FAM13C: variants seen among roughly 807,000 people sequenced by gnomAD.
The protein encoded by FAM13C is protein FAM13C.
A neutral mutation model predicts 73.2 loss-of-function variants in FAM13C; 37 were observed. That is an observed-to-expected ratio of 0.51 (90% CI 0.39 to 0.67). FAM13C has a LOEUF of 0.67. Among genes scored for constraint, FAM13C ranks in the 30% least tolerant of loss-of-function variants. FAM13C has a pLI of 0.00. For missense variants in FAM13C, 589 were observed against 715.6 expected (o/e 0.82, Z 2.02); for synonymous variants, 246 against 260.9 (o/e 0.94, Z 0.55).
Position 59,269,945 on chromosome 10 carries a change from C to T in FAM13C, c.757G>A (p.Asp253Asn). The part of the protein sequence containing the change: ...IFSQSQRFNL[D>N]PESAPSPPST... Reference sequence around the variant, plus strand: ...GGTGGAGATGGGGCTGACTCGGGGTCTAAGTTGAATCTCTGGCTTTGGCTG... The same window carrying T: ...GGTGGAGATGGGGCTGACTCGGGGTTTAAGTTGAATCTCTGGCTTTGGCTG... Residue 253 changes from aspartate (D) to asparagine (N), a missense_variant, in exon 7 of 14, where the codon GAC becomes AAC. Transcript: ENST00000618804. 9.3e-6 allele frequency: 15 copies of T among 1,613,942 alleles called. No homozygotes were observed. Among genetic ancestry groups the T allele is most frequent in the Non-Finnish European group, 1.2e-5 (14 of 1,179,914 alleles).
chr10:59,335,172 C>T (rs752021137), intron 3 of FAM13C, among the ~76,000 whole-genome samples: 14 of 152,192 alleles, frequency 9.2e-5, no homozygotes, highest in Non-Finnish European at 1.6e-4. Context: ...AGTCTTTAAT[C>T]AGACTCTTCA....
intron 3 of FAM13C, among the ~76,000 whole-genome samples, chr10:59,349,587 T>C (rs1854753324): frequency 6.6e-6 from 1 of 150,398 alleles, no homozygotes; most frequent in African/African-American, 2.5e-5. Flanking sequence ...TGAAACCCCA[T>C]CTCTACTAAA....
At chr10:59,303,876 G>A (rs920083054) in intron 4 of FAM13C, among the ~76,000 whole-genome samples, 11 of 152,114 alleles carry the variant, frequency 7.2e-5, no homozygotes, top group African/African-American at 1.4e-4. Flanking sequence ...TCGGCCAGGC[G>A]CGGTGGCTCA....
chr10:59,269,897 A>C lies in FAM13C; in HGVS notation c.803+2T>G, dbSNP rs200777981. On this transcript the variant is annotated splice_donor_variant, in intron 7 of 13. Transcript: ENST00000618804. LOFTEE classifies it high-confidence loss of function. Reference sequence around the variant, plus strand: ...AAGACAATAACAAAACAGTTTTCTCACATCATAAACTGCTGAGTGCTGGGT... The same window carrying C: ...AAGACAATAACAAAACAGTTTTCTCCCATCATAAACTGCTGAGTGCTGGGT... 6.2e-7 allele frequency: 1 copy of C among 1,613,664 alleles called. No homozygotes were observed.
chr10:59,339,575 T>C (rs1308094097), intron 3 of FAM13C, among the ~76,000 whole-genome samples: 1 of 152,160 alleles, frequency 6.6e-6, no homozygotes, highest in African/African-American at 2.4e-5. Context: ...TGGCAGCTCT[T>C]GAATTCCACT....
chr10:59,314,138 G>A (rs1210614800), intron 4 of FAM13C, among the ~76,000 whole-genome samples: 2 of 152,140 alleles, frequency 1.3e-5, no homozygotes, highest in Non-Finnish European at 2.9e-5. Flanking sequence ...GCTCTGAGAT[G>A]AGATTAAAAT....
chr10:59,342,248 G>A (rs570051198), intron 3 of FAM13C, among the ~76,000 whole-genome samples: 2 of 152,012 alleles, frequency 1.3e-5, no homozygotes, highest in Admixed American at 1.3e-4. Context: ...GCTTTTTCCA[G>A]GATGTTTCAT....
At chr10:59,294,203 C>T (rs1439531165) in intron 5 of FAM13C, among the ~76,000 whole-genome samples, 3 of 152,310 alleles carry the variant, frequency 2.0e-5, no homozygotes, top group Middle Eastern at 3.4e-3. Context: ...AGGCTGGCCC[C>T]GGGAGCCACT....
At position 59,268,541 on chromosome 10, in the gene FAM13C, C is replaced by T; in HGVS notation, c.942+12G>A. 6.2e-7 allele frequency: 1 copy of T among 1,613,520 alleles called. No homozygotes were observed. The highest frequency in any genetic ancestry group is 8.5e-7 in the Non-Finnish European group (1 of 1,179,626). On this transcript the variant is annotated intron_variant, in intron 8 of 13. Transcript: ENST00000618804. ...ACCAATCCGCTCCTATGTCAAACCC[C>T]AGGGTTCTTACCCGGTATTTCTTTT...
At chr10:59,330,168 C>T (rs1226494966) in intron 3 of FAM13C, among the ~76,000 whole-genome samples, 1 of 152,086 alleles carries the variant, frequency 6.6e-6, no homozygotes, top group Non-Finnish European at 1.5e-5. Context: ...GAGTTGTTTG[C>T]CTTAAAAGTG....
intron 2 of FAM13C, 80 bp downstream of exon 2, chr10:59,355,807 A>C: frequency 8.0e-7 from 1 of 1,244,676 alleles, no homozygotes; most frequent in Non-Finnish European, 1.2e-6. Context: ...CAAAGAAGAG[A>C]CTAGAATTCA....
intron 6 of FAM13C, among the ~76,000 whole-genome samples, chr10:59,283,050 C>G (rs1845117787): frequency 6.6e-6 from 1 of 152,176 alleles, no homozygotes; most frequent in Non-Finnish European, 1.5e-5. Flanking sequence ...ATAAGCATAG[C>G]ACTCATTTGT....
At chr10:59,249,879 T>C (rs938965447) in intron 13 of FAM13C, among the ~76,000 whole-genome samples, 1 of 152,190 alleles carries the variant, frequency 6.6e-6, no homozygotes, top group Admixed American at 6.5e-5. Flanking sequence ...AGAACATAAC[T>C]AACTTCCCTG....
chr10:59,363,108 C>T (rs1228966292), upstream of FAM13C: 3 of 155,350 alleles, frequency 1.9e-5, no homozygotes, highest in Admixed American at 6.5e-5. Context: ...CTGCATCACA[C>T]CTGATCTGTC....
intron 4 of FAM13C, among the ~76,000 whole-genome samples, chr10:59,322,883 G>A (rs1022276005): frequency 6.6e-6 from 1 of 152,140 alleles, no homozygotes; most frequent in African/African-American, 2.4e-5. Context: ...GAATCCAACA[G>A]GTATTACCTG....
At chr10:59,292,504 C>T (rs894375480) in intron 5 of FAM13C, among the ~76,000 whole-genome samples, 4 of 152,206 alleles carry the variant, frequency 2.6e-5, no homozygotes, top group Non-Finnish European at 5.9e-5. Context: ...GGCTCATAGG[C>T]CATCTACTTT....
At chr10:59,274,678 T>G (rs866913280) in intron 6 of FAM13C, among the ~76,000 whole-genome samples, 50 of 152,216 alleles carry the variant, frequency 3.3e-4, no homozygotes, top group African/African-American at 1.1e-3. Flanking sequence ...CCCAGTTTTG[T>G]CACTGGTGTG....
At chr10:59,283,238 C>T in intron 6 of FAM13C, 125 bp downstream of exon 6, 1 of 988,328 alleles carries the variant, frequency 1.0e-6, no homozygotes, top group Non-Finnish European at 1.6e-6. Flanking sequence ...TCAGAAGCAC[C>T]TCTTGGGCTT....
At chr10:59,344,720 A>T (rs779686371) in intron 3 of FAM13C, among the ~76,000 whole-genome samples, 7 of 152,228 alleles carry the variant, frequency 4.6e-5, no homozygotes, top group Non-Finnish European at 1.0e-4. Flanking sequence ...CTAGTAAGTG[A>T]TGCTTAAAGT....
Sources: gnomAD v4.1 joint callset for allele counts (sites outside exome capture counted in the v4.1 genomes callset) on GRCh38, gnomAD v4.1.1 for gene constraint, MANE v1.5 for transcripts, NCBI Gene and HGNC (gene_info 2026-07-23, HGNC 2026-07-21) for gene names.